SH3BGRL: variants seen among roughly 807,000 people sequenced by gnomAD.
SH3BGRL encodes the protein SH3 domain binding glutamate rich protein like.
In SH3BGRL, 7 loss-of-function variants were observed where a neutral mutation model predicts 9.8. The ratio of observed to expected loss-of-function variants is 0.72; its 90% CI spans 0.41 to 1.35. The LOEUF (loss-of-function observed/expected upper bound fraction) is 1.35. SH3BGRL is among the 40% of genes most tolerant of loss of function. SH3BGRL has a pLI of 0.01. For missense variants in SH3BGRL, 73 were observed against 84.4 expected (o/e 0.86, Z 0.53); for synonymous variants, 36 against 29.1 (o/e 1.24, Z -0.76).
chrX:81,224,764 G>C (rs1331439650), intron 1 of SH3BGRL, among the ~76,000 whole-genome samples: 1 of 111,373 alleles, frequency 9.0e-6, no homozygotes, highest in Non-Finnish European at 1.9e-5. Context: ...TACATTTTTG[G>C]ATATGGTATA....
intron 1 of SH3BGRL, among the ~76,000 whole-genome samples, chrX:81,262,141 A>G (rs1013790479): frequency 9.0e-6 from 1 of 111,458 alleles, no homozygotes; most frequent in Non-Finnish European, 1.9e-5. Context: ...TCTAGAAAGT[A>G]TGGTCAGAGT....
At chrX:81,245,897 A>G (rs2075686927) in intron 1 of SH3BGRL, among the ~76,000 whole-genome samples, 1 of 112,177 alleles carries the variant, frequency 8.9e-6, no homozygotes, top group African/African-American at 3.2e-5. Flanking sequence ...AGAAATCTTC[A>G]AACTGCTTTC....
chrX:81,206,375 T>A (rs750242592), intron 1 of SH3BGRL, among the ~76,000 whole-genome samples: 2 of 111,924 alleles, frequency 1.8e-5, no homozygotes, highest in Non-Finnish European at 3.8e-5. Context: ...ATCTCATTTT[T>A]AAAAATAATC....
rs1277012891 is a variant in SH3BGRL at position 81,202,251 on chromosome X, G to A, written c.45+6G>A. The stretch of plus-strand genomic sequence containing the variant: ...CTTCCTCTGGCTCTACAGCGGTAAG[G>A]AGAGTGGGGAGTCCACCTTTGTTGT... On this transcript the variant is annotated splice_donor_region_variant and intron_variant, in intron 1 of 3. Transcript: ENST00000373212. The A allele has an allele frequency of 3.3e-6, 4 of 1,198,558 alleles. No individual in the cohort carries two copies. The highest frequency in any genetic ancestry group is 2.4e-4 in the Middle Eastern group (1 of 4,233).
chrX:81,274,712 C>T (rs182251831), intron 1 of SH3BGRL, among the ~76,000 whole-genome samples: 9 of 110,647 alleles, frequency 8.1e-5, no homozygotes. Context: ...ACAGCAAGAC[C>T]CTATCTTGGA....
chrX:81,282,024 G>A (rs112182529), intron 3 of SH3BGRL, among the ~76,000 whole-genome samples: 2,521 of 111,805 alleles, frequency 0.023, 30 homozygotes, highest in Non-Finnish European at 0.037. Flanking sequence ...TGAGAGTGGG[G>A]CAACTATTCT....
In SH3BGRL at chrX:81,223,067, G is replaced by A. The variant is rs772077505; in HGVS notation, c.45+20822G>A. Among the ~76,000 whole-genome samples, 35 of 111,478 alleles carry A rather than the reference G, an allele frequency of 3.1e-4. No individual in the cohort carries two copies. The East Asian group carries it at 7.0e-3, about 22-fold the overall frequency. Reference sequence around the variant, plus strand: ...TTGTTTGAGTTCATTGCAGATTCTGGATATTAGCCCTTTGTCAGATGAGTA... The same window carrying A: ...TTGTTTGAGTTCATTGCAGATTCTGAATATTAGCCCTTTGTCAGATGAGTA... On this transcript the variant is annotated intron_variant, in intron 1 of 3. Transcript: ENST00000373212.
chrX:81,276,824 A>G (rs1207984197), intron 1 of SH3BGRL, among the ~76,000 whole-genome samples, 160 bp from the exon 2 acceptor site: 2 of 112,038 alleles, frequency 1.8e-5, no homozygotes, highest in Non-Finnish European at 3.8e-5. Context: ...TCTTCAATAT[A>G]CTTGTGAGGC....
At chrX:81,241,747 T>C (rs2075670643) in intron 1 of SH3BGRL, among the ~76,000 whole-genome samples, 1 of 112,123 alleles carries the variant, frequency 8.9e-6, no homozygotes, top group Admixed American at 9.3e-5. Context: ...GACATCCTCT[T>C]TGGGGCTCTG....
chrX:81,210,665 C>T (rs983723442), intron 1 of SH3BGRL, among the ~76,000 whole-genome samples: 3 of 111,644 alleles, frequency 2.7e-5, no homozygotes, highest in Non-Finnish European at 5.6e-5. Context: ...TTCCAGGGCC[C>T]ATGATCTGAA....
chrX:81,286,858 G>T (rs1262201275), intron 3 of SH3BGRL, among the ~76,000 whole-genome samples: 2 of 111,096 alleles, frequency 1.8e-5, no homozygotes, highest in African/African-American at 6.5e-5. Flanking sequence ...CTGACAATTT[G>T]CTTGTAGGCA....
At chrX:81,271,242 C>A (rs1045812294) in intron 1 of SH3BGRL, among the ~76,000 whole-genome samples, 6 of 112,174 alleles carry the variant, frequency 5.3e-5, no homozygotes, top group African/African-American at 1.9e-4. Flanking sequence ...GGCTTGCCCT[C>A]TGTGGGCTGC....
At chrX:81,203,789 A>G (rs1441538031) in intron 1 of SH3BGRL, among the ~76,000 whole-genome samples, 1 of 112,289 alleles carries the variant, frequency 8.9e-6, no homozygotes, top group Non-Finnish European at 1.9e-5. Flanking sequence ...TATTCAAGTA[A>G]GAATAACTGC....
chrX:81,241,755 C>T (rs2075670673), intron 1 of SH3BGRL, among the ~76,000 whole-genome samples: 1 of 112,352 alleles, frequency 8.9e-6, no homozygotes, highest in Non-Finnish European at 1.9e-5. Context: ...CTTTGGGGCT[C>T]TGCAGTTCCT....
intron 2 of SH3BGRL, among the ~76,000 whole-genome samples, chrX:81,277,547 C>T (rs2075802306): frequency 8.9e-6 from 1 of 112,204 alleles, no homozygotes; most frequent in Non-Finnish European, 1.9e-5. Flanking sequence ...CATTGCCTTT[C>T]TCAAAACACA....
chrX:81,223,414 C>A (rs985575064), intron 1 of SH3BGRL, among the ~76,000 whole-genome samples: 3 of 111,205 alleles, frequency 2.7e-5, no homozygotes, highest in Non-Finnish European at 5.7e-5. Context: ...CATGGAGAGC[C>A]AGTAGTTATC....
At chrX:81,275,231 G>A (rs1238601688) in intron 1 of SH3BGRL, among the ~76,000 whole-genome samples, 4 of 110,547 alleles carry the variant, frequency 3.6e-5, no homozygotes, top group African/African-American at 1.3e-4. Flanking sequence ...TTCTTAGCAT[G>A]TCTCTTCACT....
At chrX:81,247,654 G>T (rs1373828158) in intron 1 of SH3BGRL, among the ~76,000 whole-genome samples, 1 of 111,470 alleles carries the variant, frequency 9.0e-6, no homozygotes, top group Non-Finnish European at 1.9e-5. Flanking sequence ...CAGGAATGAA[G>T]TCCTGCTTGA....
intron 1 of SH3BGRL, among the ~76,000 whole-genome samples, chrX:81,213,823 A>G (rs2075573075): frequency 8.9e-6 from 1 of 112,200 alleles, no homozygotes; most frequent in African/African-American, 3.2e-5. Context: ...GTTGAAATTC[A>G]AGTGCAAAAC....
Sources: gnomAD v4.1 joint callset for allele counts (sites outside exome capture counted in the v4.1 genomes callset) on GRCh38, gnomAD v4.1.1 for gene constraint, MANE v1.5 for transcripts, NCBI Gene and HGNC (gene_info 2026-07-23, HGNC 2026-07-21) for gene names.